Variants in MCC observed in about 807,000 individuals in gnomAD.
MCC encodes MCC regulator of Wnt signaling pathway.
In MCC, 90 loss-of-function variants were observed where a neutral mutation model predicts 116.2. That is an observed-to-expected ratio of 0.77 (90% CI 0.65 to 0.92). MCC has a LOEUF of 0.92. MCC is among the 40% of genes least tolerant of loss of function. The probability of loss-of-function intolerance (pLI) is 0.00; values close to 1 mark genes in which losing one functional copy is unlikely to be tolerated. For synonymous variants in MCC, 578 were observed against 510.5 expected (o/e 1.13, Z -1.78); for missense variants, 1,516 against 1,312.2 (o/e 1.16, Z -2.40).
intron 15 of MCC, among the ~76,000 whole-genome samples, chr5:113,050,289 T>C (rs1752402366): frequency 6.6e-6 from 1 of 152,160 alleles, no homozygotes; most frequent in South Asian, 2.1e-4. Context: ...GTCCCCGCAC[T>C]TCTGCTGGAG....
intron 11 of MCC, among the ~76,000 whole-genome samples, chr5:113,073,656 CTT>C (rs565478702): frequency 3.5e-5 from 5 of 144,294 alleles, no homozygotes; most frequent in African/African-American, 7.6e-5. Flanking sequence ...CATATGGCTG[CTT>C]TTTTTTTTTT....
intron 1 of MCC, among the ~76,000 whole-genome samples, chr5:113,487,122 A>T (rs1306291679): frequency 6.6e-6 from 1 of 152,076 alleles, no homozygotes; most frequent in Non-Finnish European, 1.5e-5. Context: ...TTCACCTAAG[A>T]ATGATCAAAA....
At chr5:113,288,791 C>A (rs1372284575) in intron 3 of MCC, among the ~76,000 whole-genome samples, 1 of 152,140 alleles carries the variant, frequency 6.6e-6, no homozygotes, top group Non-Finnish European at 1.5e-5. Flanking sequence ...TACCTGGGCA[C>A]AAATCTTGAC....
intron 1 of MCC, among the ~76,000 whole-genome samples, chr5:113,401,664 A>G (rs1405936925): frequency 3.3e-5 from 5 of 151,984 alleles, no homozygotes; most frequent in Non-Finnish European, 7.4e-5. Context: ...GATGTTCCCA[A>G]TGTTTATTTT....
At position 113,024,474 on chromosome 5, in the gene MCC, C is replaced by A. The variant is rs946374219; in HGVS notation, c.*2828G>T. ...CAATGGGAAATATATTCCAAGGGAA[C>A]TGTGAAATGGGTCCTTTGGCTCTGT... On this transcript the variant is annotated 3_prime_UTR_variant, in exon 19 of 19. Coordinates refer to ENST00000408903, the MANE Select transcript of MCC (RefSeq NM_001085377.2). 3.3e-5 allele frequency: 5 copies of A among 152,200 alleles called. No individual in the cohort carries two copies. Among genetic ancestry groups the A allele is most frequent in the African/African-American group, 1.2e-4 (5 of 41,430 alleles). The allele number at this position is 152,200 out of a possible 1,614,324, so 9.4% of individuals were successfully genotyped here.
Position 113,434,575 on chromosome 5 carries a change from C to A in MCC, c.171-49363G>T. 6.2e-7 allele frequency: 1 copy of A among 1,613,562 alleles called. No homozygotes were observed. Among genetic ancestry groups the A allele is most frequent in the Non-Finnish European group, 8.5e-7 (1 of 1,179,718 alleles). ...TCGCCCTGGACCGCGAGCTCCATGACGATGTAGACCTTGCCATGTGATGTC... is the reference window on the plus strand; with the variant it reads ...TCGCCCTGGACCGCGAGCTCCATGAAGATGTAGACCTTGCCATGTGATGTC... On this transcript the variant is annotated intron_variant, in intron 1 of 18. Coordinates refer to ENST00000408903, the MANE Select transcript of MCC (RefSeq NM_001085377.2). This position sits in a 1 kb window ranked among gnomAD's most constrained non-coding sequence, Gnocchi z 4.2.
intron 3 of MCC, among the ~76,000 whole-genome samples, chr5:113,177,725 A>G (rs1055593526): frequency 6.6e-6 from 1 of 152,190 alleles, no homozygotes. Flanking sequence ...ATTTTTCTTT[A>G]AAAAGCTGTA....
intron 8 of MCC, 120 bp from the exon 9 acceptor site, chr5:113,085,430 G>C: frequency 1.1e-6 from 1 of 945,656 alleles, no homozygotes; most frequent in Non-Finnish European, 1.6e-6. Context: ...TGAAAAGCTA[G>C]GTTGGTTGAG....
At chr5:113,247,564 C>T (rs1226482468) in intron 3 of MCC, among the ~76,000 whole-genome samples, 7 of 152,108 alleles carry the variant, frequency 4.6e-5, no homozygotes, top group Admixed American at 3.9e-4. Context: ...ATATACAAGG[C>T]AGCGTCTTAA....
intron 6 of MCC, among the ~76,000 whole-genome samples, chr5:113,107,208 C>CTTTTTTTTTTTTTTTT (rs746820475): frequency 8.0e-6 from 1 of 125,070 alleles, no homozygotes; most frequent in Non-Finnish European, 1.6e-5. Context: ...GCATGTTTTT[C>CTTTTTTTTTTTTTTTT]TTTTTTTTTT....
intron 1 of MCC, among the ~76,000 whole-genome samples, chr5:113,385,466 C>T (rs773802253): frequency 6.6e-6 from 1 of 152,090 alleles, no homozygotes; most frequent in Non-Finnish European, 1.5e-5. Context: ...CTTCCTGTTT[C>T]CACACCCTTC....
rs192481888 is a variant in MCC at position 113,091,224 on chromosome 5, C to A, written c.1399-5914G>T. ...TATACTATCTGCATACTGTGGGACTCCAAACTTGACATGAACACTGGAAAC... is the reference window on the plus strand; with the variant it reads ...TATACTATCTGCATACTGTGGGACTACAAACTTGACATGAACACTGGAAAC... On this transcript the variant is annotated intron_variant, in intron 8 of 18. Transcript: ENST00000408903. 2.0e-5 allele frequency among the ~76,000 whole-genome samples: 3 copies of A among 152,314 alleles called. No individual in the cohort carries two copies. The East Asian group carries it at 5.8e-4, about 29-fold the overall frequency.
chr5:113,030,660 G>A (rs529612120), intron 17 of MCC, among the ~76,000 whole-genome samples: 160 of 152,238 alleles, frequency 1.1e-3, no homozygotes, highest in African/African-American at 3.5e-3. Context: ...CTTGGGTGAC[G>A]GAGTGAGACC....
intron 11 of MCC, among the ~76,000 whole-genome samples, chr5:113,081,228 G>A (rs1399242211): frequency 1.3e-5 from 2 of 152,192 alleles, no homozygotes; most frequent in African/African-American, 4.8e-5. Flanking sequence ...GGATCACAGA[G>A]ATGACAATGG....
At chr5:113,080,622 G>A (rs925841592) in intron 11 of MCC, among the ~76,000 whole-genome samples, 7 of 152,060 alleles carry the variant, frequency 4.6e-5, no homozygotes, top group Admixed American at 6.5e-5. Context: ...CTGGACACAC[G>A]GTGTGGAACA....
At chr5:113,060,498 G>C (rs1753144127) in intron 14 of MCC, among the ~76,000 whole-genome samples, 1 of 152,228 alleles carries the variant, frequency 6.6e-6, no homozygotes, top group East Asian at 1.9e-4. Flanking sequence ...GTGGGCATCT[G>C]TTTTGCTGAG....
intron 3 of MCC, among the ~76,000 whole-genome samples, chr5:113,290,536 C>G (rs760241248): frequency 6.6e-6 from 1 of 152,188 alleles, no homozygotes; most frequent in Non-Finnish European, 1.5e-5. Flanking sequence ...GACAACTACT[C>G]TGCAAGAATA....
At chr5:113,213,948 C>G (rs535899063) in intron 3 of MCC, among the ~76,000 whole-genome samples, 58 of 152,268 alleles carry the variant, frequency 3.8e-4, no homozygotes, top group African/African-American at 1.3e-3. Context: ...TCTCCACTTC[C>G]TAAGTCCTCC....
At chr5:113,034,473 T>C (rs1017598474) in intron 17 of MCC, among the ~76,000 whole-genome samples, 33 of 151,832 alleles carry the variant, frequency 2.2e-4, no homozygotes, top group Admixed American at 1.3e-3. Context: ...TAGAGTCCAA[T>C]TGAGGAGCTG....
Sources: allele counts gnomAD v4.1 joint callset (sites outside exome capture counted in the v4.1 genomes callset), GRCh38; gene constraint gnomAD v4.1.1; non-coding constraint Gnocchi (gnomAD v3.1); transcripts MANE v1.5; gene names NCBI Gene and HGNC (gene_info 2026-07-23, HGNC 2026-07-21).